MAN1A2: variants seen among roughly 807,000 people sequenced by gnomAD.
The protein encoded by MAN1A2 is mannosyl-oligosaccharide 1,2-alpha-mannosidase IB.
A neutral mutation model predicts 75.7 loss-of-function variants in MAN1A2; 26 were observed. That is an observed-to-expected ratio of 0.34 (90% confidence interval 0.25 to 0.48). The LOEUF (loss-of-function observed/expected upper bound fraction) is 0.48, where lower values mean the gene tolerates loss of function less well. Ranked by LOEUF, MAN1A2 falls within the 20% of genes least tolerant of loss-of-function variation. The pLI is 0.99. For missense variants in MAN1A2, 562 were observed against 775.5 expected, an observed-to-expected ratio of 0.72 and a Z score of 3.27; for synonymous variants, 247 against 264.6, an observed-to-expected ratio of 0.93 and a Z score of 0.65.
At chr1:117,503,691 T>G (rs1367121799) in intron 12 of MAN1A2, among the ~76,000 whole-genome samples, 1 of 151,546 alleles carries the variant, frequency 6.6e-6, no homozygotes, top group African/African-American at 2.4e-5. Context: ...AACATTTTAT[T>G]TTTTCAACAA....
chr1:117,474,710 A>G lies in MAN1A2; in HGVS notation c.1168+8283A>G, dbSNP rs533372659. ...TGCTTTATTAAGATACAATTTACAT[A>G]TAATAAACTGTACATATTTAAAATG... On this transcript the variant is annotated intron_variant, in intron 8 of 12. Coordinates refer to ENST00000356554, the MANE Select transcript of MAN1A2 (RefSeq NM_006699.5). Among the ~76,000 whole-genome samples, 28 of 152,132 alleles carry G rather than the reference A, an allele frequency of 1.8e-4. No homozygotes were observed. The East Asian group carries it at 5.2e-3, about 28-fold the overall frequency.
chr1:117,466,824 A>G (rs1251443645), intron 8 of MAN1A2, among the ~76,000 whole-genome samples: 3 of 152,166 alleles, frequency 2.0e-5, no homozygotes, highest in African/African-American at 4.8e-5. Context: ...TGGATAAGCC[A>G]TGTCTGTTCA....
At chr1:117,493,009 T>A (rs186629615) in intron 8 of MAN1A2, 138 bp from the exon 9 acceptor site, 13 of 584,672 alleles carry the variant, frequency 2.2e-5, no homozygotes. Context: ...AAATTTGAAG[T>A]ATGTTGGAAA....
chr1:117,450,496 C>T (rs760176850), intron 6 of MAN1A2, among the ~76,000 whole-genome samples: 21 of 152,190 alleles, frequency 1.4e-4, no homozygotes, highest in Non-Finnish European at 2.9e-4. Context: ...CAGAAATTTG[C>T]ATAAGTAACA....
chr1:117,440,369 C>T (rs1648989281), intron 5 of MAN1A2, among the ~76,000 whole-genome samples: 1 of 152,026 alleles, frequency 6.6e-6, no homozygotes, highest in African/African-American at 2.4e-5. Flanking sequence ...GGCTGAGGGA[C>T]AGAACTGAAA....
At chr1:117,407,433 G>A (rs1039201144) in intron 3 of MAN1A2, among the ~76,000 whole-genome samples, 1 of 151,680 alleles carries the variant, frequency 6.6e-6, no homozygotes, top group Non-Finnish European at 1.5e-5. Context: ...GAGAAGCGTG[G>A]TAAGTAGTTC....
At chr1:117,462,203 A>G (rs1414776546) in intron 7 of MAN1A2, among the ~76,000 whole-genome samples, 1 of 152,140 alleles carries the variant, frequency 6.6e-6, no homozygotes, top group Non-Finnish European at 1.5e-5. Flanking sequence ...AACAAAAAAT[A>G]TTACCTAGTA....
intron 2 of MAN1A2, among the ~76,000 whole-genome samples, chr1:117,404,436 G>C (rs1178945706): frequency 6.6e-6 from 1 of 152,144 alleles, no homozygotes; most frequent in African/African-American, 2.4e-5. Context: ...AGTATTTATT[G>C]GTTTAATGGC....
chr1:117,477,240 T>A (rs943331462), intron 8 of MAN1A2, among the ~76,000 whole-genome samples: 20 of 152,042 alleles, frequency 1.3e-4, no homozygotes, highest in Admixed American at 5.9e-4. Context: ...CTTCTGAAAC[T>A]AATCCAAACA....
rs1417832143 is a variant in MAN1A2 at position 117,458,521 on chromosome 1, A to T, written c.951-1968A>T. 7.0e-3 allele frequency among the ~76,000 whole-genome samples: 658 copies of T among 94,140 alleles called. 11 individuals carry two copies. The highest frequency in any genetic ancestry group is 0.025 in the African/African-American group (611 of 24,596). 61.8% of individuals were successfully genotyped at this position (94,140 alleles called of 152,430 possible). On this transcript the variant is annotated intron_variant, in intron 6 of 12. Transcript: ENST00000356554. ...TCTATATATATATATAGATATATAT[A>T]TATTTTTTTTTTTTTTTTTGAGACA...
chr1:117,461,589 A>AGT (rs1649823417), intron 7 of MAN1A2, among the ~76,000 whole-genome samples: 1 of 152,182 alleles, frequency 6.6e-6, no homozygotes, highest in African/African-American at 2.4e-5. Flanking sequence ...AAATGTTTGA[A>AGT]GTGATGGATG....
At chr1:117,439,528 C>G (rs936292636) in intron 5 of MAN1A2, among the ~76,000 whole-genome samples, 2 of 151,430 alleles carry the variant, frequency 1.3e-5, no homozygotes, top group Non-Finnish European at 1.5e-5. Flanking sequence ...GAGTCTTGCT[C>G]TGTTGCCCAG....
chr1:117,519,185 G>A (rs1415509045), intron 12 of MAN1A2, among the ~76,000 whole-genome samples: 1 of 152,026 alleles, frequency 6.6e-6, no homozygotes, highest in Non-Finnish European at 1.5e-5. Flanking sequence ...TACAGCAAAG[G>A]CAGTGCTAAG....
chr1:117,427,979 T>C (rs1648431884), intron 5 of MAN1A2, among the ~76,000 whole-genome samples: 1 of 152,356 alleles, frequency 6.6e-6, no homozygotes, highest in Non-Finnish European at 1.5e-5. Context: ...AGTTACACCA[T>C]ATTACTCTTA....
At chr1:117,455,256 A>G (rs1172438708) in intron 6 of MAN1A2, among the ~76,000 whole-genome samples, 1 of 152,178 alleles carries the variant, frequency 6.6e-6, no homozygotes, top group Non-Finnish European at 1.5e-5. Flanking sequence ...ACACAGGAGC[A>G]TATACTGTAT....
chr1:117,410,154 A>G (rs1010354079), intron 3 of MAN1A2, among the ~76,000 whole-genome samples: 5 of 151,950 alleles, frequency 3.3e-5, no homozygotes, highest in African/African-American at 1.2e-4. Context: ...TATTTTCCCC[A>G]AATATTTTCC....
At chr1:117,493,051 A>G (rs545120576) in intron 8 of MAN1A2, 96 bp from the exon 9 acceptor site, 2 of 655,258 alleles carry the variant, frequency 3.1e-6, no homozygotes, top group Admixed American at 2.7e-5. Flanking sequence ...AAAATTATTG[A>G]CCTCTAACAT....
At chr1:117,422,992 A>G (rs2101783656) in intron 5 of MAN1A2, among the ~76,000 whole-genome samples, 1 of 152,278 alleles carries the variant, frequency 6.6e-6, no homozygotes, top group Non-Finnish European at 1.5e-5. Flanking sequence ...CTAATCCAAC[A>G]TCACAAAGAT....
At position 117,524,953 on chromosome 1, in the gene MAN1A2, T is replaced by C. The variant is rs141759560; in HGVS notation, c.*1996T>C. 82 of 350,160 alleles carry C rather than the reference T, an allele frequency of 2.3e-4. No homozygotes were observed. The highest frequency in any genetic ancestry group is 1.6e-3 in the African/African-American group (76 of 46,846). 21.7% of individuals were successfully genotyped at this position (350,160 alleles called of 1,614,324 possible). Reference sequence around the variant, plus strand: ...CGTAAAAGTAGCACAAGCCCACTTATGAATCACTGAGAAAAAGTGAAAAAC... The same window carrying C: ...CGTAAAAGTAGCACAAGCCCACTTACGAATCACTGAGAAAAAGTGAAAAAC... On this transcript the variant is annotated 3_prime_UTR_variant, in exon 13 of 13. Transcript: ENST00000356554.
Sources: allele counts gnomAD v4.1 joint callset (sites outside exome capture counted in the v4.1 genomes callset), GRCh38; gene constraint gnomAD v4.1.1; transcripts MANE v1.5; gene names NCBI Gene and HGNC (gene_info 2026-07-23, HGNC 2026-07-21).